TMEM132D: variants seen among roughly 807,000 people sequenced by gnomAD.
TMEM132D encodes the protein mature OL transmembrane protein.
A neutral mutation model predicts 62.3 loss-of-function variants in TMEM132D; 21 were observed. The observed-to-expected ratio is 0.34, with a 90% CI of 0.24 to 0.49. The LOEUF (loss-of-function observed/expected upper bound fraction) is 0.49. Among genes scored for constraint, TMEM132D ranks in the 20% least tolerant of loss-of-function variants. TMEM132D has a pLI of 0.99. For missense variants in TMEM132D, 1,346 were observed against 1,402.8 expected (o/e 0.96, Z 0.65); for synonymous variants, 621 against 575.6 (o/e 1.08, Z -1.13).
At chr12:129,375,920 C>G (rs192396259) in intron 3 of TMEM132D, among the ~76,000 whole-genome samples, 57 of 152,256 alleles carry the variant, frequency 3.7e-4, no homozygotes, top group African/African-American at 1.3e-3. Context: ...TATTTTAAAT[C>G]GATCTGGACT....
At chr12:129,275,225 G>A (rs7132775) in intron 4 of TMEM132D, among the ~76,000 whole-genome samples, 50,748 of 152,016 alleles carry the variant, frequency 0.33, 8,534 homozygotes, top group South Asian at 0.36. Flanking sequence ...TTGCTGTAGT[G>A]AGCCATGATT....
intron 1 of TMEM132D, among the ~76,000 whole-genome samples, chr12:129,900,803 T>C (rs1875327341): frequency 6.6e-6 from 1 of 152,150 alleles, no homozygotes; most frequent in African/African-American, 2.4e-5. Context: ...TTTAAGGCCA[T>C]TCCCCAGAAA....
intron 4 of TMEM132D, among the ~76,000 whole-genome samples, chr12:129,244,256 G>A (rs956808929): frequency 5.9e-5 from 9 of 151,684 alleles, no homozygotes; most frequent in Admixed American, 4.6e-4. Context: ...TGTGGTGGCG[G>A]GCGCCTGTAG....
chr12:129,542,424 G>A (rs1468390380), intron 2 of TMEM132D, among the ~76,000 whole-genome samples: 1 of 152,116 alleles, frequency 6.6e-6, no homozygotes, highest in East Asian at 1.9e-4. Flanking sequence ...GTTAATAAAC[G>A]TAAATTCTCA....
chr12:129,787,142 C>A (rs966189696), intron 1 of TMEM132D, among the ~76,000 whole-genome samples: 2 of 149,376 alleles, frequency 1.3e-5, no homozygotes, highest in African/African-American at 5.0e-5. Context: ...ATTATAATTT[C>A]TATCCCCCTG....
intron 2 of TMEM132D, among the ~76,000 whole-genome samples, chr12:129,579,089 T>C (rs530462585): frequency 6.6e-6 from 1 of 152,290 alleles, no homozygotes; most frequent in African/African-American, 2.4e-5. Flanking sequence ...TTTGTTGAAA[T>C]AAATAAATGA....
intron 4 of TMEM132D, among the ~76,000 whole-genome samples, chr12:129,235,230 G>A (rs1879746452): frequency 6.6e-6 from 1 of 151,980 alleles, no homozygotes; most frequent in Non-Finnish European, 1.5e-5. Context: ...TTAAATTTAT[G>A]CATTTTTTCC....
chr12:129,719,084 A>AG (rs1432541972), intron 1 of TMEM132D, among the ~76,000 whole-genome samples: 3 of 27,076 alleles, frequency 1.1e-4, no homozygotes, highest in African/African-American at 3.2e-4. Context: ...AAAAAAAATG[A>AG]AAAAAAAAAA....
intron 3 of TMEM132D, among the ~76,000 whole-genome samples, chr12:129,447,870 G>C (rs1433343936): frequency 6.6e-6 from 1 of 152,134 alleles, no homozygotes; most frequent in African/African-American, 2.4e-5. Context: ...TAATCACTTG[G>C]CCCATCTGGG....
chr12:129,901,870 G>A (rs11060608), intron 1 of TMEM132D, among the ~76,000 whole-genome samples: 4 of 92,444 alleles, frequency 4.3e-5, no homozygotes, highest in South Asian at 3.7e-4. Flanking sequence ...AACCCCCCCC[G>A]CCCCAAAAAA....
At chr12:129,653,628 A>G (rs1235450891) in intron 2 of TMEM132D, among the ~76,000 whole-genome samples, 2 of 152,190 alleles carry the variant, frequency 1.3e-5, no homozygotes, top group African/African-American at 4.8e-5. Flanking sequence ...GGCTGTGTAC[A>G]TATAGTCATG....
At chr12:129,807,550 C>T (rs1872033467) in intron 1 of TMEM132D, among the ~76,000 whole-genome samples, 1 of 152,306 alleles carries the variant, frequency 6.6e-6, no homozygotes, top group South Asian at 2.1e-4. Flanking sequence ...CTCTAAGATG[C>T]TCATGTATAA....
intron 5 of TMEM132D, among the ~76,000 whole-genome samples, chr12:129,170,395 A>G (rs1877687646): frequency 6.6e-6 from 1 of 152,222 alleles, no homozygotes; most frequent in Admixed American, 6.5e-5. Context: ...AAGAAAGCTT[A>G]TATCTCAATA....
chr12:129,125,878 G>A (rs1876198043), intron 5 of TMEM132D, among the ~76,000 whole-genome samples: 1 of 152,160 alleles, frequency 6.6e-6, no homozygotes, highest in Non-Finnish European at 1.5e-5. Context: ...ACATTGAAGA[G>A]CACTGTGATG....
intron 4 of TMEM132D, among the ~76,000 whole-genome samples, chr12:129,289,426 C>T (rs1043439091): frequency 6.6e-6 from 1 of 151,452 alleles, no homozygotes; most frequent in East Asian, 2.0e-4. Flanking sequence ...CGCCTGTAAT[C>T]CCAGCTACAC....
chr12:129,764,498 C>T (rs1315714353), intron 1 of TMEM132D, among the ~76,000 whole-genome samples: 1 of 152,088 alleles, frequency 6.6e-6, no homozygotes, highest in African/African-American at 2.4e-5. Flanking sequence ...ATTTTAGTAA[C>T]AACCAGTTTC....
chr12:129,406,527 G>A (rs141604010), intron 3 of TMEM132D, among the ~76,000 whole-genome samples: 6,080 of 152,094 alleles, frequency 0.04, 165 homozygotes, highest in African/African-American at 0.073. Context: ...GGCTAAGGCA[G>A]GAGAATGGCG....
intron 3 of TMEM132D, among the ~76,000 whole-genome samples, chr12:129,502,124 C>T (rs369760007): frequency 1.3e-5 from 2 of 152,026 alleles, no homozygotes; most frequent in East Asian, 1.9e-4. Context: ...CTCAGCCTCC[C>T]GAGTAGCTGG....
chr12:129,315,437 G>A (rs1324151459), intron 4 of TMEM132D, among the ~76,000 whole-genome samples: 1 of 152,146 alleles, frequency 6.6e-6, no homozygotes, highest in Admixed American at 6.5e-5. Context: ...TTTATGTGGT[G>A]TATCACATTT....
Sources: allele counts gnomAD v4.1 joint callset (sites outside exome capture counted in the v4.1 genomes callset), GRCh38; gene constraint gnomAD v4.1.1; transcripts MANE v1.5; gene names NCBI Gene and HGNC (gene_info 2026-07-23, HGNC 2026-07-21).